The following REV3L variants were observed in gnomAD, a reference collection of about 807,000 sequenced individuals.
The protein encoded by REV3L is DNA polymerase zeta catalytic subunit.
Under a neutral mutation model 299.4 loss-of-function variants are expected in REV3L, and 69 were observed. That is an observed-to-expected ratio of 0.23 (90% CI 0.19 to 0.28). REV3L has a LOEUF of 0.28. REV3L is among the 10% of genes least tolerant of loss of function. The pLI is 1.00. For missense variants in REV3L, 3,128 were observed against 3,693.8 expected (o/e 0.85, Z 3.97); for synonymous variants, 1,238 against 1,271.4 (o/e 0.97, Z 0.56).
Position 111,309,865 on chromosome 6 carries a change from A to G in REV3L, c.9030T>C (p.His3010=), listed in dbSNP as rs1439238349. The G allele has an allele frequency of 1.2e-6, 2 of 1,613,724 alleles. No homozygotes were observed. The highest frequency in any genetic ancestry group is 8.5e-7 in the Non-Finnish European group (1 of 1,179,794). The change falls in exon 30 of 32, where the codon CAT becomes CAC. Residue 3010 remains histidine (H), a synonymous_variant. Transcript: ENST00000368802. Reference sequence around the variant, plus strand: ...TTGGTAAGCTTACCCTTGGTAATTCATGATACCAGCTGAAGACATCAATAC... The same window carrying G: ...TTGGTAAGCTTACCCTTGGTAATTCGTGATACCAGCTGAAGACATCAATAC... The part of the protein sequence containing the change: ...LIGIDVFSWY[H]ELPRIHKATS...
chr6:111,442,800 G>C (rs1441890947), intron 1 of REV3L, among the ~76,000 whole-genome samples: 1 of 152,014 alleles, frequency 6.6e-6, no homozygotes, highest in South Asian at 2.1e-4. Flanking sequence ...TGATTTCCCT[G>C]TATATGGTTT....
At chr6:111,457,551 A>G (rs1195214507) in intron 1 of REV3L, among the ~76,000 whole-genome samples, 6 of 151,652 alleles carry the variant, frequency 4.0e-5, no homozygotes, top group Non-Finnish European at 1.5e-5. Flanking sequence ...TATGTCTCTA[A>G]AATATAGCTT....
chr6:111,356,975 C>T (rs570798485), intron 18 of REV3L, 39 bp downstream of exon 18: 1 of 1,134,678 alleles, frequency 8.8e-7, no homozygotes, highest in Non-Finnish European at 1.3e-6. Flanking sequence ...AAACGACTCT[C>T]TGAATAAAAC....
rs1488972561 is a variant in REV3L, at chr6:111,434,254, C to T, written c.140-17782G>A. 1.1e-4 allele frequency among the ~76,000 whole-genome samples: 17 copies of T among 152,204 alleles called. No homozygotes were observed. In the East Asian group the frequency reaches 3.1e-3, roughly 28 times the overall value. ...TTGGAAAGGAAGAAGTCAAATTAGC[C>T]TTGCTTGCAGATGACATGGTCTTAT... On this transcript the variant is annotated intron_variant, in intron 1 of 31. Transcript: ENST00000368802.
rs571118918 is a variant in REV3L, at chr6:111,308,185, T to C, written c.9043-615A>G. On this transcript the variant is annotated intron_variant, in intron 30 of 31. Coordinates refer to ENST00000368802, the MANE Select transcript of REV3L (RefSeq NM_001372078.1). ...CACATTTTCTTAATCCAGTCTATCA[T>C]TGATGGACATTTGGGTTGGTTCCAA... is the stretch of plus-strand genomic sequence containing the variant. 161 of 429,280 alleles carry C rather than the reference T, an allele frequency of 3.8e-4. 2 individuals are homozygous for C. Among genetic ancestry groups the C allele is most frequent in the South Asian group, 2.6e-3 (158 of 60,786 alleles). 26.6% of individuals were successfully genotyped at this position (429,280 alleles called of 1,614,324 possible).
intron 20 of REV3L, among the ~76,000 whole-genome samples, chr6:111,344,294 T>C (rs1299560178): frequency 6.6e-6 from 1 of 152,240 alleles, no homozygotes; most frequent in Non-Finnish European, 1.5e-5. Context: ...GGTCATATAA[T>C]ACTTATTTTA....
At chr6:111,402,207 C>T (rs1448208913) in intron 4 of REV3L, among the ~76,000 whole-genome samples, 5 of 152,170 alleles carry the variant, frequency 3.3e-5, no homozygotes, top group Admixed American at 2.6e-4. Context: ...TAGACCAGCA[C>T]CACCTTAGAT....
intron 9 of REV3L, among the ~76,000 whole-genome samples, chr6:111,384,939 C>A (rs1388031828): frequency 6.6e-6 from 1 of 152,096 alleles, no homozygotes; most frequent in Non-Finnish European, 1.5e-5. Context: ...GAGATCATGC[C>A]ATTTCCAACA....
Position 111,309,654 on chromosome 6 carries a change from G to GT in REV3L, c.9042+198dup, listed in dbSNP as rs374338258. On this transcript the variant is annotated intron_variant, in intron 30 of 31. Coordinates refer to ENST00000368802, the MANE Select transcript of REV3L (RefSeq NM_001372078.1). ...GGAGTGCCTATCCTCACCTAGATCT[G>GT]TGGGGGTGGAGCCCTAGCCAGGGAC... 252 of 500,760 alleles carry GT rather than the reference G, an allele frequency of 5.0e-4. 1 individual carries two copies. Among genetic ancestry groups the GT allele is most frequent in the African/African-American group, 4.5e-3 (230 of 50,660 alleles). The allele number at this position is 500,760 out of a possible 1,614,324, so 31.0% of individuals were successfully genotyped here. A position where few individuals can be genotyped will look rare whatever the true frequency, so the allele number is the denominator to read the frequency against.
At chr6:111,408,739 C>G (rs917278728) in intron 3 of REV3L, among the ~76,000 whole-genome samples, 3 of 152,174 alleles carry the variant, frequency 2.0e-5, no homozygotes, top group African/African-American at 7.2e-5. Flanking sequence ...AACAGAAATG[C>G]AGTGGTGCGA....
chr6:111,478,910 C>A (rs7750803), intron 1 of REV3L, among the ~76,000 whole-genome samples: 143,771 of 152,286 alleles, frequency 0.94, 67,900 homozygotes, highest in East Asian at 1. Context: ...TTGTTTAATT[C>A]CTTGCTTTGT....
chr6:111,396,983 C>G (rs1782580947), intron 4 of REV3L, among the ~76,000 whole-genome samples: 1 of 151,960 alleles, frequency 6.6e-6, no homozygotes, highest in South Asian at 2.1e-4. Context: ...GTAATGTCTC[C>G]TTTTTCATGT....
intron 1 of REV3L, among the ~76,000 whole-genome samples, chr6:111,448,698 G>A (rs913979445): frequency 1.3e-5 from 2 of 151,658 alleles, no homozygotes; most frequent in Non-Finnish European, 2.9e-5. Flanking sequence ...ACGGCTCACT[G>A]TAGCCTCAAC....
intron 1 of REV3L, among the ~76,000 whole-genome samples, chr6:111,463,759 T>C (rs1336992212): frequency 2.0e-5 from 3 of 152,218 alleles, no homozygotes; most frequent in Non-Finnish European, 4.4e-5. Context: ...TTTCATTATA[T>C]GTGATTTCAC....
chr6:111,413,747 C>T (rs1032100677), intron 2 of REV3L, among the ~76,000 whole-genome samples: 6 of 152,008 alleles, frequency 3.9e-5, no homozygotes, highest in Non-Finnish European at 8.8e-5. Flanking sequence ...GAGTGAGCAG[C>T]TCATCTGTTG....
At chr6:111,388,927 T>C (rs1178911545) in intron 7 of REV3L, among the ~76,000 whole-genome samples, 179 bp downstream of exon 7, 1 of 152,098 alleles carries the variant, frequency 6.6e-6, no homozygotes, top group Non-Finnish European at 1.5e-5. Context: ...TAAGCGACAA[T>C]TGGAGACAGC....
intron 20 of REV3L, among the ~76,000 whole-genome samples, chr6:111,344,864 G>A (rs910231444): frequency 6.6e-6 from 1 of 152,130 alleles, no homozygotes; most frequent in African/African-American, 2.4e-5. Context: ...CCACTCCTGT[G>A]ATCCAGGAGG....
intron 1 of REV3L, chr6:111,430,687 G>C (rs1431158570): frequency 4.6e-6 from 7 of 1,531,768 alleles, no homozygotes; most frequent in Admixed American, 1.7e-5. Context: ...ACGCCTTCAA[G>C]AGTCCCAGCA....
At chr6:111,403,280 C>T (rs1448903419) in intron 4 of REV3L, among the ~76,000 whole-genome samples, 3 of 152,120 alleles carry the variant, frequency 2.0e-5, no homozygotes, top group Admixed American at 1.3e-4. Context: ...GGATTTCTTT[C>T]AGAGGTGATG....
Sources: allele counts gnomAD v4.1 joint callset (sites outside exome capture counted in the v4.1 genomes callset), GRCh38; gene constraint gnomAD v4.1.1; transcripts MANE v1.5; gene names NCBI Gene and HGNC (gene_info 2026-07-23, HGNC 2026-07-21).